Variants in ABI3BP observed in about 807,000 individuals in gnomAD.
The protein encoded by ABI3BP is target of Nesh-SH3.
In ABI3BP, 216 loss-of-function variants were observed where a neutral mutation model predicts 268.6. The observed-to-expected ratio is 0.80, with a 90% CI of 0.72 to 0.90. The LOEUF (loss-of-function observed/expected upper bound fraction) is 0.90. Among genes scored for constraint, ABI3BP ranks in the 40% least tolerant of loss-of-function variants. The pLI, the probability that ABI3BP is intolerant of heterozygous loss-of-function variation, is 0.00. For missense variants in ABI3BP, 2,090 were observed against 2,182.4 expected (o/e 0.96, Z 0.84); for synonymous variants, 730 against 730.0 (o/e 1.00, Z 0.00).
In ABI3BP at chr3:100,926,620, C is replaced by T. The variant is rs567748599; in HGVS notation, c.80-139G>A. 1.2e-5 allele frequency: 9 copies of T among 724,490 alleles called. No individual in the cohort carries two copies. In the South Asian group the frequency reaches 1.5e-4, roughly 12 times the overall value. The allele number at this position is 724,490 out of a possible 1,614,324, so 44.9% of individuals were successfully genotyped here. A position where few individuals can be genotyped will look rare whatever the true frequency, so the allele number is the denominator to read the frequency against. ...TACTTTGCTACTCAGTATTACAGCA[C>T]ACACCCAAACGCCCAAAATGAAGCT... On this transcript the variant is annotated intron_variant, in intron 1 of 67. Transcript: ENST00000471714.
At chr3:100,896,025 C>CT (rs1391751428) in intron 4 of ABI3BP, among the ~76,000 whole-genome samples, 1 of 152,158 alleles carries the variant, frequency 6.6e-6, no homozygotes, top group Non-Finnish European at 1.5e-5. Context: ...CCAAATACTC[C>CT]TTTTTAGTCA....
chr3:100,754,549 C>T, intron 64 of ABI3BP, 63 bp downstream of exon 64: 1 of 1,466,456 alleles, frequency 6.8e-7, no homozygotes, highest in Non-Finnish European at 9.3e-7. Flanking sequence ...ACTTCCTACG[C>T]AAAACATTGC....
intron 2 of ABI3BP, chr3:100,911,749 G>T: frequency 1.1e-6 from 1 of 935,820 alleles, no homozygotes; most frequent in Non-Finnish European, 1.8e-6. Context: ...TGTTTCAGTC[G>T]ATGAGTAGCG....
intron 1 of ABI3BP, among the ~76,000 whole-genome samples, chr3:100,951,663 A>T (rs2075099674): frequency 6.6e-6 from 1 of 151,968 alleles, no homozygotes; most frequent in South Asian, 2.1e-4. Flanking sequence ...ACACTTGAGG[A>T]GTCAGGTTTT....
intron 3 of ABI3BP, among the ~76,000 whole-genome samples, chr3:100,902,071 T>C (rs1260707403): frequency 6.6e-6 from 1 of 152,224 alleles, no homozygotes; most frequent in African/African-American, 2.4e-5. Flanking sequence ...CTTCCTTTAT[T>C]GAATTGAAGA....
intron 67 of ABI3BP, 89 bp from the exon 68 acceptor site, chr3:100,750,699 T>C: frequency 1.2e-6 from 1 of 857,996 alleles, no homozygotes; most frequent in South Asian, 1.7e-5. Flanking sequence ...GTTGACTAGC[T>C]GAAGGCTAAT....
At chr3:100,980,331 C>T (rs541476727) in intron 1 of ABI3BP, among the ~76,000 whole-genome samples, 74 of 152,134 alleles carry the variant, frequency 4.9e-4, no homozygotes, top group African/African-American at 3.6e-4. Flanking sequence ...CCCCGGTTCA[C>T]GCCATTCTCC....
At chr3:100,870,907 G>C (rs375311170) in intron 9 of ABI3BP, among the ~76,000 whole-genome samples, 23 of 152,142 alleles carry the variant, frequency 1.5e-4, no homozygotes, top group East Asian at 1.3e-3. Context: ...AAATCTGGAG[G>C]ATATTATGCT....
chr3:100,780,434 T>C (rs1311585295), intron 57 of ABI3BP, among the ~76,000 whole-genome samples: 1 of 152,148 alleles, frequency 6.6e-6, no homozygotes, highest in Non-Finnish European at 1.5e-5. Context: ...TCATGGTAAA[T>C]TGTGGTTTTG....
At chr3:100,795,683 T>G in intron 53 of ABI3BP, 121 bp downstream of exon 53, 34 of 823,014 alleles carry the variant, frequency 4.1e-5, no homozygotes, top group Non-Finnish European at 5.4e-5. Flanking sequence ...GTAATAATAA[T>G]GAGAATGAAA....
intron 57 of ABI3BP, among the ~76,000 whole-genome samples, chr3:100,784,257 C>T (rs1267731385): frequency 1.3e-5 from 2 of 152,096 alleles, no homozygotes; most frequent in African/African-American, 4.8e-5. Flanking sequence ...CTTCCAAGGG[C>T]ACAACCTTAG....
intron 1 of ABI3BP, among the ~76,000 whole-genome samples, chr3:100,981,686 G>C (rs1465945506): frequency 6.6e-6 from 1 of 152,214 alleles, no homozygotes; most frequent in Non-Finnish European, 1.5e-5. Flanking sequence ...GGATCTTCCA[G>C]ACTCCTTCAG....
chr3:100,835,761 A>T (rs2152858727), intron 27 of ABI3BP, 101 bp from the exon 28 acceptor site: 1 of 942,598 alleles, frequency 1.1e-6, no homozygotes, highest in East Asian at 2.7e-5. Flanking sequence ...TTTTAAATAC[A>T]TTTCTGAACT....
chr3:100,801,472 G>A (rs1043648525), intron 51 of ABI3BP, among the ~76,000 whole-genome samples: 182 of 143,242 alleles, frequency 1.3e-3, no homozygotes, highest in African/African-American at 4.4e-3. Context: ...AAGATCTAAA[G>A]AATTAATTTA....
intron 63 of ABI3BP, among the ~76,000 whole-genome samples, chr3:100,756,626 G>C (rs1191634536): frequency 1.3e-5 from 2 of 152,188 alleles, no homozygotes; most frequent in African/African-American, 2.4e-5. Context: ...CAAATGGGCA[G>C]TGCATTCCAC....
Position 100,823,576 on chromosome 3 carries a change from C to T in ABI3BP, c.2747-62G>A, listed in dbSNP as rs907594092. 1.1e-5 allele frequency: 14 copies of T among 1,295,550 alleles called. No homozygotes were observed. The African/African-American group carries it at 2.1e-4, about 20-fold the overall frequency. The allele number at this position is 1,295,550 out of a possible 1,614,324, so 80.3% of individuals were successfully genotyped here. On this transcript the variant is annotated intron_variant, in intron 36 of 67. Coordinates refer to ENST00000471714, the MANE Select transcript of ABI3BP (RefSeq NM_001375547.2). ...AACATATGAGAAGTTAGAACACTCA[C>T]ATGCAAACAAATTTTACTGGTATGT...
rs562185544 is a variant in ABI3BP at position 100,766,963 on chromosome 3, A to G, written c.4742-1014T>C. Among the ~76,000 whole-genome samples, 220 of 152,252 alleles carry G rather than the reference A, an allele frequency of 1.4e-3. 1 individual carries two copies. Among genetic ancestry groups the G allele is most frequent in the East Asian group, 2.3e-3 (12 of 5,176 alleles). The stretch of plus-strand genomic sequence containing the variant: ...ATGGACATTGGAAATAAAATAAAAA[A>G]CTAGAATAACCCAGATAGACCCCAA... On this transcript the variant is annotated intron_variant, in intron 62 of 67. Coordinates refer to ENST00000471714, the MANE Select transcript of ABI3BP (RefSeq NM_001375547.2).
At chr3:100,917,277 C>A (rs570481374) in intron 2 of ABI3BP, among the ~76,000 whole-genome samples, 1 of 152,166 alleles carries the variant, frequency 6.6e-6, no homozygotes, top group East Asian at 1.9e-4. Context: ...AATTGGGGAA[C>A]AATACAGAAG....
chr3:100,946,383 A>G (rs1171313243), intron 1 of ABI3BP, among the ~76,000 whole-genome samples: 1 of 151,922 alleles, frequency 6.6e-6, no homozygotes, highest in African/African-American at 2.4e-5. Context: ...AAAAAAAAAA[A>G]AAAGATGAGA....
Sources: gnomAD v4.1 joint callset for allele counts (sites outside exome capture counted in the v4.1 genomes callset) on GRCh38, gnomAD v4.1.1 for gene constraint, MANE v1.5 for transcripts, NCBI Gene and HGNC (gene_info 2026-07-23, HGNC 2026-07-21) for gene names.